Variants in TNRC18 observed in about 807,000 individuals in gnomAD.
TNRC18 encodes trinucleotide repeat-containing gene 18 protein.
Under a neutral mutation model 226.7 loss-of-function variants are expected in TNRC18, and 69 were observed. The observed-to-expected ratio is 0.30, with a 90% CI of 0.25 to 0.37. TNRC18 has a LOEUF of 0.37. Ranked by LOEUF, TNRC18 falls within the 10% of genes least tolerant of loss-of-function variation. The pLI, the probability that TNRC18 is intolerant of heterozygous loss-of-function variation, is 1.00. For synonymous variants in TNRC18, 2,449 were observed against 1,927.6 expected, an observed-to-expected ratio of 1.27 and a Z score of -7.09; for missense variants, 4,754 against 4,256.6, an observed-to-expected ratio of 1.12 and a Z score of -3.25.
intron 2 of TNRC18, among the ~76,000 whole-genome samples, chr7:5,415,778 C>T (rs186171982): frequency 6.9e-4 from 105 of 151,978 alleles, no homozygotes; most frequent in African/African-American, 2.4e-3. Flanking sequence ...GGAAAGTTGG[C>T]AACTTTCACT....
chr7:5,318,387 G>C (rs1788053316), intron 24 of TNRC18, among the ~76,000 whole-genome samples: 1 of 152,052 alleles, frequency 6.6e-6, no homozygotes, highest in Non-Finnish European at 1.5e-5. Flanking sequence ...GAAGATAAAA[G>C]TAGAGAAAAT....
rs1786986710 is a variant in TNRC18 at position 5,309,682 on chromosome 7, A to G, written c.8389-314T>C. 6.6e-6 allele frequency among the ~76,000 whole-genome samples: 1 copy of G among 152,210 alleles called. No homozygotes were observed. Among genetic ancestry groups the G allele is most frequent in the Admixed American group, 6.5e-5 (1 of 15,282 alleles). ...CAGTGGCGCCATCATGACTCACTGC[A>G]GCCACGAACTCCTAGACTCAAGAAA... is the stretch of plus-strand genomic sequence containing the variant. On this transcript the variant is annotated intron_variant, in intron 27 of 29. Coordinates refer to ENST00000430969, the MANE Select transcript of TNRC18 (RefSeq NM_001080495.3). This position sits in a 1 kb window ranked among gnomAD's most constrained non-coding sequence, Gnocchi z 5.7.
At chr7:5,393,041 G>A (rs7791057) in intron 3 of TNRC18, among the ~76,000 whole-genome samples, 92,622 of 152,086 alleles carry the variant, frequency 0.61, 28,554 homozygotes, top group East Asian at 0.86. Flanking sequence ...TCCCTCCCCC[G>A]GGCAGGGCTG....
Position 5,308,927 on chromosome 7 carries a change from C to A in TNRC18, c.8648G>T (p.Arg2883Leu), listed in dbSNP as rs368952480. 3.3e-6 allele frequency: 5 copies of A among 1,509,822 alleles called. No homozygotes were observed. Among genetic ancestry groups the A allele is most frequent in the Admixed American group, 1.8e-5 (1 of 56,008 alleles). The allele number at this position is 1,509,822 out of a possible 1,614,324, so 93.5% of individuals were successfully genotyped here. ...QGQHWDQKSSRSLPAALRVSS... is the reference protein window; with the variant it reads ...QGQHWDQKSSLSLPAALRVSS... ...GACCCGCAGGGCCGCCGGGAGGCTG[C>A]GGCTGGACTTCTGGTCCCAGTGCTG... Residue 2883 changes from arginine to leucine, a missense_variant, in exon 29 of 30, where the codon CGC becomes CTC. Transcript: ENST00000430969.
intron 11 of TNRC18, among the ~76,000 whole-genome samples, chr7:5,366,002 C>T (rs1441489532): frequency 6.6e-6 from 1 of 152,078 alleles, no homozygotes; most frequent in African/African-American, 2.4e-5. Flanking sequence ...ACCTGGGAGG[C>T]GGAGACTGCG....
At position 5,389,238 on chromosome 7, in the gene TNRC18, C is replaced by T; in HGVS notation, c.586G>A (p.Ala196Thr). Residue 196 changes from alanine to threonine, a missense_variant, in exon 5 of 30, where the codon GCC (alanine) becomes ACC (threonine). Coordinates refer to ENST00000430969, the MANE Select transcript of TNRC18 (RefSeq NM_001080495.3). ...PGGGHSSGAP[A>T]KGSSSRDGPA... Reference sequence around the variant, plus strand: ...CCGTCCCGCGACGACGAGCCTTTGGCCGGGGCGCCCGAGGAGTGGCCGCCG... The same window carrying T: ...CCGTCCCGCGACGACGAGCCTTTGGTCGGGGCGCCCGAGGAGTGGCCGCCG... 7.5e-7 allele frequency: 1 copy of T among 1,330,338 alleles called. No individual in the cohort carries two copies. 82.4% of individuals were successfully genotyped at this position (1,330,338 alleles called of 1,614,324 possible).
In TNRC18 at chr7:5,312,547, G is replaced by A. The variant is rs1161302450; in HGVS notation, c.8344C>T (p.Leu2782=). Residue 2782 remains leucine (L), a synonymous_variant, in exon 27 of 30, where the codon CTG becomes TTG. Transcript: ENST00000430969. The surrounding 1 kb of genome is among the most constrained non-coding windows in gnomAD (Gnocchi z 6.3). The stretch of plus-strand genomic sequence containing the variant: ...CACTTCCAGAGCTGCCGGGCTGGCA[G>A]GAAGGCGGCGATCTTGGGCCGGTTC... The part of the protein sequence containing the change: ...VENRPKIAAF[L]PARQLWKWFG... 6.2e-7 allele frequency: 1 copy of A among 1,611,388 alleles called. No individual in the cohort carries two copies. The highest frequency in any genetic ancestry group is 8.5e-7 in the Non-Finnish European group (1 of 1,179,378).
At position 5,388,041 on chromosome 7, in the gene TNRC18, A is replaced by C; in HGVS notation, c.1783T>G (p.Phe595Val). The C allele has an allele frequency of 6.4e-7, 1 of 1,563,028 alleles. No homozygotes were observed. Reference protein sequence around the residue: ...MQSLIKYSGSFARDAVAVRPG... With the variant: ...MQSLIKYSGSVARDAVAVRPG... ...CGCACGGCCACGGCGTCCCGGGCAA[A>C]GCTGCCACTGTACTTTATAAGGCTC... is the stretch of plus-strand genomic sequence containing the variant. The change falls in exon 5 of 30, where the codon TTT becomes GTT. Residue 595 changes from phenylalanine (F) to valine (V), a missense_variant. Coordinates refer to ENST00000430969, the MANE Select transcript of TNRC18 (RefSeq NM_001080495.3).
At chr7:5,340,590 A>G (rs1387829652) in intron 18 of TNRC18, among the ~76,000 whole-genome samples, 3 of 152,042 alleles carry the variant, frequency 2.0e-5, no homozygotes, top group Non-Finnish European at 4.4e-5. Context: ...AAAAAACACA[A>G]AAATTAGCCA....
At chr7:5,418,564 TC>T (rs1782335771) in intron 2 of TNRC18, among the ~76,000 whole-genome samples, 1 of 152,122 alleles carries the variant, frequency 6.6e-6, no homozygotes, top group South Asian at 2.1e-4. Context: ...CTCATCCACG[TC>T]CGCAGAGCCC....
At chr7:5,404,379 A>G (rs1781323654) in intron 2 of TNRC18, among the ~76,000 whole-genome samples, 1 of 152,176 alleles carries the variant, frequency 6.6e-6, no homozygotes, top group Admixed American at 6.6e-5. Flanking sequence ...TTGAGAAAAA[A>G]AAAGAATCCC....
Position 5,313,830 on chromosome 7 carries a change from G to C in TNRC18, c.7061C>G (p.Thr2354Arg). Residue 2354 changes from threonine (T) to arginine (R), a missense_variant, in exon 27 of 30, where the codon ACA becomes AGA. Transcript: ENST00000430969. Reference sequence around the variant, plus strand: ...TAAGGGGGTACTGGGGACCTCGTCTGTTGGGTTCCCCTCCTCCAGGGTAGC... The same window carrying C: ...TAAGGGGGTACTGGGGACCTCGTCTCTTGGGTTCCCCTCCTCCAGGGTAGC... ...RAATLEEGNP[T>R]DEVPSTPLAL... is the part of the protein sequence containing the mutation. 6.7e-7 allele frequency: 1 copy of C among 1,502,868 alleles called. No homozygotes were observed. The allele number at this position is 1,502,868 out of a possible 1,614,324, so 93.1% of individuals were successfully genotyped here. A position where few individuals can be genotyped will look rare whatever the true frequency, so the allele number is the denominator to read the frequency against.
At chr7:5,381,215 C>T (rs2128185564) in intron 5 of TNRC18, among the ~76,000 whole-genome samples, 1 of 152,372 alleles carries the variant, frequency 6.6e-6, no homozygotes, top group South Asian at 2.1e-4. Context: ...AGTGAGCCCT[C>T]TGTCCCCCAC....
intron 19 of TNRC18, chr7:5,329,996 C>A (rs1021705139): frequency 2.1e-5 from 10 of 470,932 alleles, no homozygotes; most frequent in African/African-American, 1.8e-4. Flanking sequence ...TCATTGTTGA[C>A]AAATGGAGGC....
chr7:5,406,995 C>A (rs1369579303), intron 2 of TNRC18, among the ~76,000 whole-genome samples: 1 of 152,210 alleles, frequency 6.6e-6, no homozygotes, highest in East Asian at 1.9e-4. Context: ...GCCTTGAACC[C>A]CTCACCTCCC....
intron 18 of TNRC18, among the ~76,000 whole-genome samples, chr7:5,339,465 C>G (rs1790454161): frequency 6.6e-6 from 1 of 151,962 alleles, no homozygotes; most frequent in Non-Finnish European, 1.5e-5. Flanking sequence ...GTCTCAAACT[C>G]CTGACCTCTG....
At chr7:5,348,083 G>A (rs1471027641) in intron 17 of TNRC18, among the ~76,000 whole-genome samples, 1 of 152,210 alleles carries the variant, frequency 6.6e-6, no homozygotes, top group Non-Finnish European at 1.5e-5. Flanking sequence ...AGTCCCCGGA[G>A]CCCAGCCCAG....
In TNRC18 at chr7:5,313,241, C is replaced by T; in HGVS notation, c.7650G>A (p.Glu2550=). ...NPKSPDKAQA[E]QDGAEESESS... The stretch of plus-strand genomic sequence containing the variant: ...TCTCGGACTCTTCGGCCCCGTCCTG[C>T]TCAGCCTGGGCCTTGTCTGGGCTCT... Residue 2550 remains glutamate, a synonymous_variant, in exon 27 of 30, where the codon GAG becomes GAA. Transcript: ENST00000430969. The T allele has an allele frequency of 1.3e-6, 2 of 1,549,002 alleles. No individual in the cohort carries two copies. The highest frequency in any genetic ancestry group is 1.7e-6 in the Non-Finnish European group (2 of 1,146,728).
At chr7:5,344,500 C>T (rs756649387) in intron 18 of TNRC18, among the ~76,000 whole-genome samples, 15 of 152,026 alleles carry the variant, frequency 9.9e-5, no homozygotes, top group Non-Finnish European at 1.5e-4. Context: ...TGGAGCCTGG[C>T]GTGGGTGCCA....
Sources: allele counts gnomAD v4.1 joint callset (sites outside exome capture counted in the v4.1 genomes callset), GRCh38; gene constraint gnomAD v4.1.1; non-coding constraint Gnocchi (gnomAD v3.1); transcripts MANE v1.5; gene names NCBI Gene and HGNC (gene_info 2026-07-23, HGNC 2026-07-21).